The following CNTNAP2 variants were observed in gnomAD, a reference collection of about 807,000 sequenced individuals.
CNTNAP2 encodes the protein contactin associated protein 2.
CNTNAP2 carries 98 observed loss-of-function variants against 155.2 expected under a neutral mutation model. The observed-to-expected ratio is 0.63, with a 90% confidence interval of 0.54 to 0.75. The LOEUF (loss-of-function observed/expected upper bound fraction) is 0.75, where lower values mean the gene tolerates loss of function less well. Ranked by LOEUF, CNTNAP2 falls within the 30% of genes least tolerant of loss-of-function variation. CNTNAP2 has a pLI of 0.00. For missense variants in CNTNAP2, 1,727 were observed against 1,688.1 expected (o/e 1.02, Z -0.40); for synonymous variants, 651 against 631.2 (o/e 1.03, Z -0.47).
At chr7:146,126,273 G>A (rs1797635824) in intron 1 of CNTNAP2, among the ~76,000 whole-genome samples, 1 of 152,152 alleles carries the variant, frequency 6.6e-6, no homozygotes, top group South Asian at 2.1e-4. Flanking sequence ...AAAGGAAAAA[G>A]CCTATTGGCA....
chr7:146,662,791 A>G (rs939234549), intron 1 of CNTNAP2, among the ~76,000 whole-genome samples: 1 of 152,180 alleles, frequency 6.6e-6, no homozygotes, highest in Middle Eastern at 3.2e-3. Context: ...TTTTCTGCAT[A>G]TGCATATGTA....
intron 8 of CNTNAP2, among the ~76,000 whole-genome samples, chr7:147,299,663 T>A (rs899612): frequency 0.3 from 45,868 of 152,046 alleles, 8,868 homozygotes; most frequent in East Asian, 0.71. Context: ...AAAGACAGAC[T>A]TTAGATAAAA....
chr7:147,454,387 C>T (rs911042714), intron 10 of CNTNAP2, among the ~76,000 whole-genome samples: 1 of 152,120 alleles, frequency 6.6e-6, no homozygotes, highest in Non-Finnish European at 1.5e-5. Flanking sequence ...TCATACAAGA[C>T]TTTGCTCTTT....
At chr7:147,279,121 A>T (rs1258294199) in intron 8 of CNTNAP2, among the ~76,000 whole-genome samples, 1 of 151,722 alleles carries the variant, frequency 6.6e-6, no homozygotes, top group Admixed American at 6.6e-5. Context: ...CTACATTTTG[A>T]CATGTTATAA....
intron 14 of CNTNAP2, among the ~76,000 whole-genome samples, chr7:147,906,158 C>A (rs1799954048): frequency 6.6e-6 from 1 of 152,060 alleles, no homozygotes. Context: ...TGTCTAAACC[C>A]TGAGGGCTAC....
chr7:147,386,301 A>G (rs1022893315), intron 9 of CNTNAP2, among the ~76,000 whole-genome samples: 5 of 152,116 alleles, frequency 3.3e-5, no homozygotes, highest in Non-Finnish European at 7.3e-5. Flanking sequence ...ACTTATGCAA[A>G]TTTCTGTAGC....
At chr7:148,014,971 G>A (rs1802148807) in intron 15 of CNTNAP2, among the ~76,000 whole-genome samples, 1 of 152,216 alleles carries the variant, frequency 6.6e-6, no homozygotes, top group South Asian at 2.1e-4. Flanking sequence ...TTGTGAGAAG[G>A]ATGTTAAGAG....
At chr7:147,985,072 G>A (rs982397293) in intron 15 of CNTNAP2, among the ~76,000 whole-genome samples, 17 of 151,790 alleles carry the variant, frequency 1.1e-4, no homozygotes, top group African/African-American at 3.6e-4. Flanking sequence ...CCGAAATCAC[G>A]CCATTGTACT....
At chr7:147,065,521 T>C in intron 4 of CNTNAP2, among the ~76,000 whole-genome samples, 1 of 152,198 alleles carries the variant, frequency 6.6e-6, no homozygotes, top group East Asian at 1.9e-4. Context: ...GGAGTGGCTG[T>C]AGTTTGTTGG....
chr7:146,206,569 T>A (rs1190749247), intron 1 of CNTNAP2, among the ~76,000 whole-genome samples: 1 of 151,956 alleles, frequency 6.6e-6, no homozygotes, highest in East Asian at 1.9e-4. Context: ...ATACAATGCA[T>A]CTTTAGTACT....
chr7:146,437,252 G>T (rs1006629368), intron 1 of CNTNAP2, among the ~76,000 whole-genome samples: 1 of 151,434 alleles, frequency 6.6e-6, no homozygotes. Context: ...TCACCCTCCT[G>T]TCCGTGGAAA....
At chr7:146,472,152 T>C (rs1053658098) in intron 1 of CNTNAP2, among the ~76,000 whole-genome samples, 1 of 152,218 alleles carries the variant, frequency 6.6e-6, no homozygotes, top group Non-Finnish European at 1.5e-5. Context: ...TTTCAGGTAG[T>C]TCTGTTTCAC....
intron 13 of CNTNAP2, among the ~76,000 whole-genome samples, chr7:147,647,420 TA>T (rs1214941715): frequency 1.3e-5 from 2 of 151,866 alleles, no homozygotes; most frequent in Non-Finnish European, 2.9e-5. Context: ...AAAAATAAAA[TA>T]AAAAATAAAA....
At chr7:147,452,706 A>T (rs1032878049) in intron 10 of CNTNAP2, among the ~76,000 whole-genome samples, 4 of 152,192 alleles carry the variant, frequency 2.6e-5, no homozygotes, top group African/African-American at 9.6e-5. Flanking sequence ...CCTAATATAT[A>T]TATCAGTCAT....
chr7:147,809,974 T>C (rs1245437860), intron 13 of CNTNAP2, among the ~76,000 whole-genome samples: 1 of 152,160 alleles, frequency 6.6e-6, no homozygotes, highest in Non-Finnish European at 1.5e-5. Flanking sequence ...GCCAGCTTTG[T>C]TTTGGGTAGA....
chr7:148,138,128 C>T (rs960526857), intron 16 of CNTNAP2, among the ~76,000 whole-genome samples: 2 of 152,196 alleles, frequency 1.3e-5, no homozygotes, highest in African/African-American at 2.4e-5. Flanking sequence ...TGGCTGCTTT[C>T]CTTCTGATAG....
intron 1 of CNTNAP2, among the ~76,000 whole-genome samples, chr7:146,160,971 G>A (rs142759176): frequency 1.7e-3 from 266 of 152,288 alleles, no homozygotes; most frequent in African/African-American, 5.9e-3. Flanking sequence ...CTGGGAACCC[G>A]AATCCAGCAG....
chr7:146,235,762 G>A (rs943871920), intron 1 of CNTNAP2, among the ~76,000 whole-genome samples: 2 of 152,174 alleles, frequency 1.3e-5, no homozygotes, highest in Admixed American at 6.5e-5. Context: ...TATGGGGGCA[G>A]AGATGGATAG....
At chr7:148,215,946 A>G (rs1262870802) in intron 18 of CNTNAP2, among the ~76,000 whole-genome samples, 1 of 152,234 alleles carries the variant, frequency 6.6e-6, no homozygotes, top group Non-Finnish European at 1.5e-5. Context: ...AACGTAGAGC[A>G]GTTTTGCACA....
Sources: allele counts gnomAD v4.1 joint callset (sites outside exome capture counted in the v4.1 genomes callset), GRCh38; gene constraint gnomAD v4.1.1; transcripts MANE v1.5; gene names NCBI Gene and HGNC (gene_info 2026-07-23, HGNC 2026-07-21).